The following NUDT1 variants were observed in gnomAD, a reference collection of about 807,000 sequenced individuals.
NUDT1 encodes the protein oxidized purine nucleoside triphosphate hydrolase.
A neutral mutation model predicts 11.3 loss-of-function variants in NUDT1; 16 were observed. The ratio of observed to expected loss-of-function variants is 1.41; its 90% CI spans 0.96 to 2.15. The LOEUF is 2.15. Ranked by LOEUF, NUDT1 falls within the 30% of genes most tolerant of loss-of-function variation. NUDT1 has a pLI of 0.00. For missense variants in NUDT1, 234 were observed against 208.4 expected, an observed-to-expected ratio of 1.12 and a Z score of -0.76; for synonymous variants, 101 against 84.4, an observed-to-expected ratio of 1.20 and a Z score of -1.08.
chr7:2,248,788 G>T (rs34829180), intron 2 of NUDT1, among the ~76,000 whole-genome samples: 3 of 152,240 alleles, frequency 2.0e-5, no homozygotes, highest in Non-Finnish European at 4.4e-5. Context: ...CGGAGCTCAA[G>T]CAATCAATCC....
At position 2,242,232 on chromosome 7, in the gene NUDT1, C is replaced by G; in HGVS notation, c.-37C>G. 6.7e-7 allele frequency: 1 copy of G among 1,500,814 alleles called. No homozygotes were observed. Among genetic ancestry groups the G allele is most frequent in the Non-Finnish European group, 8.9e-7 (1 of 1,128,248 alleles). The allele number at this position is 1,500,814 out of a possible 1,614,324, so 93.0% of individuals were successfully genotyped here. A position where few individuals can be genotyped will look rare whatever the true frequency, so the allele number is the denominator to read the frequency against. On this transcript the variant is annotated 5_prime_UTR_variant, in exon 1 of 4. Transcript: ENST00000356714. ...CCTGGCCTCACTTCCGGTCAGAGGC[C>G]ACGCCCCCGGAAGCGGCGGTGCAGG...
intron 1 of NUDT1, 112 bp from the exon 2 acceptor site, chr7:2,244,451 T>TGGGC: frequency 1.0e-6 from 1 of 981,626 alleles, no homozygotes; most frequent in Non-Finnish European, 1.5e-6. Flanking sequence ...AGTTACAGCA[T>TGGGC]ACCCCCCCGC....
intron 2 of NUDT1, among the ~76,000 whole-genome samples, chr7:2,248,355 C>T (rs1025718179): frequency 4.6e-5 from 7 of 152,126 alleles, no homozygotes; most frequent in Non-Finnish European, 8.8e-5. Flanking sequence ...AGCAAGCAAA[C>T]GCTCAGAACG....
chr7:2,249,864 CA>C lies in NUDT1; in HGVS notation c.161del (p.Gln54ArgfsTer6), dbSNP rs1554260245. 1 of 1,613,544 alleles carries C rather than the reference CA, an allele frequency of 6.2e-7. No individual in the cohort carries two copies. The highest frequency in any genetic ancestry group is 8.5e-7 in the Non-Finnish European group (1 of 1,180,048). The part of the protein sequence containing the change: ...TIEDGARREL[Q>X]EESGLTVDAL... ...GCCCACCTCTGCCCGCAGGGAGCTG[CA>C]GGAGGAGAGCGGTCTGACAGTGGAC... On this transcript the variant is annotated frameshift_variant, in exon 3 of 4. Transcript: ENST00000356714. LOFTEE classifies it high-confidence loss of function.
chr7:2,250,616 C>T (rs34602719), intron 3 of NUDT1, among the ~76,000 whole-genome samples: 1 of 147,470 alleles, frequency 6.8e-6, no homozygotes, highest in Admixed American at 6.9e-5. Flanking sequence ...CGCCACCACG[C>T]CCGGCTAATT....
intron 3 of NUDT1, among the ~76,000 whole-genome samples, chr7:2,250,474 T>C (rs1794950510): frequency 6.6e-6 from 1 of 152,236 alleles, no homozygotes; most frequent in South Asian, 2.1e-4. Flanking sequence ...TGTTGTTGTT[T>C]TGAGACGAAG....
intron 1 of NUDT1, chr7:2,243,013 C>T (rs1366807213): frequency 1.4e-6 from 1 of 717,144 alleles, no homozygotes; most frequent in Non-Finnish European, 2.6e-6. Flanking sequence ...TAGCCCTCAG[C>T]AGATGGGGGA....
chr7:2,249,484 A>G (rs762993388), intron 2 of NUDT1: 21 of 311,550 alleles, frequency 6.7e-5, no homozygotes, highest in Non-Finnish European at 1.2e-4. Flanking sequence ...AAGTGGGGTC[A>G]GTCCCAACCC....
intron 2 of NUDT1, among the ~76,000 whole-genome samples, chr7:2,245,810 T>C (rs1794745747): frequency 6.6e-6 from 1 of 151,736 alleles, no homozygotes; most frequent in Admixed American, 6.6e-5. Flanking sequence ...AGTGCTGAGA[T>C]TGCAGGTGTG....
At chr7:2,246,169 CTGCCCATCAGCT>C (rs1216024923) in intron 2 of NUDT1, among the ~76,000 whole-genome samples, 3 of 152,228 alleles carry the variant, frequency 2.0e-5, no homozygotes, top group Non-Finnish European at 4.4e-5. Context: ...TCTGCTAAGA[CTGCCCATCAGCT>C]CATGGATTTC....
intron 1 of NUDT1, chr7:2,242,878 A>G: frequency 1.4e-6 from 1 of 697,330 alleles, no homozygotes. Context: ...GTCAGCTGTT[A>G]GACTCCCTGC....
intron 2 of NUDT1, among the ~76,000 whole-genome samples, chr7:2,245,150 G>A (rs1049091267): frequency 2.0e-5 from 3 of 152,046 alleles, no homozygotes; most frequent in Admixed American, 1.3e-4. Flanking sequence ...TCTCACACTC[G>A]CTGTGCACAA....
At chr7:2,249,589 G>A (rs1362109417) in intron 2 of NUDT1, 10 of 519,318 alleles carry the variant, frequency 1.9e-5, no homozygotes, top group East Asian at 3.5e-5. Context: ...CTAGAACTGC[G>A]TTCCTCCCAC....
At chr7:2,242,540 G>A (rs531500044) in intron 1 of NUDT1, 2 of 378,910 alleles carry the variant, frequency 5.3e-6, no homozygotes, top group South Asian at 8.3e-5. Flanking sequence ...GGCAGAAACA[G>A]ATCAGTGTCG....
chr7:2,249,458 T>G, intron 2 of NUDT1: 2 of 266,354 alleles, frequency 7.5e-6, no homozygotes, highest in Non-Finnish European at 1.5e-5. Flanking sequence ...GAAAAGCAAG[T>G]AACCGGGAAT....
At chr7:2,244,179 G>T (rs1794672544) in intron 1 of NUDT1, among the ~76,000 whole-genome samples, 4 of 152,212 alleles carry the variant, frequency 2.6e-5, no homozygotes, top group South Asian at 2.1e-4. Flanking sequence ...TGCCAATCAG[G>T]CACGGGGACT....
Position 2,245,601 on chromosome 7 carries a change from G to A in NUDT1, c.152+875G>A, listed in dbSNP as rs564561090. Among the ~76,000 whole-genome samples the A allele has an allele frequency of 2.0e-5, 3 of 152,204 alleles. No individual in the cohort carries two copies. The East Asian group carries it at 5.8e-4, about 29-fold the overall frequency. On this transcript the variant is annotated intron_variant, in intron 2 of 3. Transcript: ENST00000356714. ...TTCATTTCTCTTTTTTTCTCCAGAG[G>A]TGGGATCTCACCCATGGCACACTCT... is the stretch of plus-strand genomic sequence containing the variant.
rs756296876 is a variant in NUDT1 at position 2,249,950 on chromosome 7, C to T, written c.246C>T (p.Asp82=). ...FEFVGEPELM[D]VHVFCTDSIQ... The stretch of plus-strand genomic sequence containing the variant: ...TCGTGGGCGAGCCTGAGCTCATGGA[C>T]GTGCATGTCTTCTGCACAGACAGCA... Residue 82 remains aspartate (D), a synonymous_variant, in exon 3 of 4, where the codon GAC becomes GAT. Transcript: ENST00000356714. 9.3e-6 allele frequency: 15 copies of T among 1,614,202 alleles called. No individual in the cohort carries two copies. Among genetic ancestry groups the T allele is most frequent in the East Asian group, 4.5e-5 (2 of 44,882 alleles).
At chr7:2,248,542 G>A (rs1407943079) in intron 2 of NUDT1, among the ~76,000 whole-genome samples, 1 of 130,616 alleles carries the variant, frequency 7.7e-6, no homozygotes, top group Non-Finnish European at 1.6e-5. Context: ...TGTGTATGAT[G>A]TTTGCTTTTT....
Sources: gnomAD v4.1 joint callset for allele counts (sites outside exome capture counted in the v4.1 genomes callset) on GRCh38, gnomAD v4.1.1 for gene constraint, MANE v1.5 for transcripts, NCBI Gene and HGNC (gene_info 2026-07-23, HGNC 2026-07-21) for gene names.